The following GAB1 variants were observed in gnomAD, a reference collection of about 807,000 sequenced individuals.
The protein encoded by GAB1 is GRB2 associated binding protein 1.
GAB1 carries 19 observed loss-of-function variants against 66.5 expected under a neutral mutation model. The ratio of observed to expected loss-of-function variants is 0.29; its 90% CI spans 0.20 to 0.42. The LOEUF is 0.42. Among genes scored for constraint, GAB1 ranks in the 10% least tolerant of loss-of-function variants. The pLI, the probability that GAB1 is intolerant of heterozygous loss-of-function variation, is 1.00. For missense variants in GAB1, 732 were observed against 858.5 expected, an observed-to-expected ratio of 0.85 and a Z score of 1.84; for synonymous variants, 294 against 301.4, an observed-to-expected ratio of 0.98 and a Z score of 0.25.
chr4:143,403,117 A>G (rs1731859199), intron 1 of GAB1, among the ~76,000 whole-genome samples: 2 of 152,150 alleles, frequency 1.3e-5, no homozygotes, highest in South Asian at 4.1e-4. Flanking sequence ...GTATTACTAT[A>G]CATAGTGTAC....
At chr4:143,466,943 A>G (rs961463703) in intron 9 of GAB1, among the ~76,000 whole-genome samples, 4 of 152,300 alleles carry the variant, frequency 2.6e-5, no homozygotes, top group African/African-American at 4.8e-5. Flanking sequence ...TTATATAACA[A>G]TGTTTATTTA....
chr4:143,414,757 A>G (rs578095766), intron 1 of GAB1, among the ~76,000 whole-genome samples: 1 of 152,230 alleles, frequency 6.6e-6, no homozygotes, highest in Non-Finnish European at 1.5e-5. Context: ...TTATGGCATA[A>G]TATTAATGCA....
intron 2 of GAB1, chr4:143,425,411 G>C: frequency 1.3e-6 from 1 of 759,252 alleles, no homozygotes; most frequent in Non-Finnish European, 2.4e-6. Flanking sequence ...GCTTCTTGTG[G>C]TTACTGACCC....
At chr4:143,348,348 T>C (rs1729054444) in intron 1 of GAB1, among the ~76,000 whole-genome samples, 2 of 152,124 alleles carry the variant, frequency 1.3e-5, no homozygotes, top group Admixed American at 1.3e-4. Flanking sequence ...CAACTCAGAG[T>C]CAGAATGCCC....
intron 1 of GAB1, among the ~76,000 whole-genome samples, chr4:143,340,574 T>A (rs1168076474): frequency 1.3e-5 from 2 of 152,156 alleles, no homozygotes; most frequent in Non-Finnish European, 2.9e-5. Context: ...GCAGTGGCAC[T>A]ATCTCGGCTC....
chr4:143,442,267 C>A (rs1183336331), intron 6 of GAB1, among the ~76,000 whole-genome samples: 1 of 152,052 alleles, frequency 6.6e-6, no homozygotes, highest in East Asian at 1.9e-4. Flanking sequence ...ATGTTAGTGG[C>A]AGATCTCTAC....
intron 1 of GAB1, among the ~76,000 whole-genome samples, chr4:143,344,260 C>T (rs10012162): frequency 0.013 from 1,982 of 152,246 alleles, 42 homozygotes; most frequent in African/African-American, 0.045. Context: ...TGAGTGCCAG[C>T]TCGTGTTGGG....
chr4:143,415,885 A>G, intron 2 of GAB1, 114 bp downstream of exon 2: 1 of 843,292 alleles, frequency 1.2e-6, no homozygotes, highest in South Asian at 2.1e-5. Context: ...TATTTTTATA[A>G]TAGGAACTTG....
chr4:143,378,179 G>T (rs28410377), intron 1 of GAB1, among the ~76,000 whole-genome samples: 2 of 152,168 alleles, frequency 1.3e-5, no homozygotes, highest in African/African-American at 2.4e-5. Flanking sequence ...GATAAATTTT[G>T]TTTCTCTGAA....
chr4:143,414,844 A>G (rs28925890), intron 1 of GAB1, among the ~76,000 whole-genome samples: 3 of 152,174 alleles, frequency 2.0e-5, no homozygotes, highest in African/African-American at 4.8e-5. Context: ...TATTTTTAAT[A>G]TACAATTCAC....
chr4:143,402,133 A>G lies in GAB1; in HGVS notation c.73-13344A>G, dbSNP rs1267951969. On this transcript the variant is annotated intron_variant, in intron 1 of 9. Transcript: ENST00000262994. ...TTAAAGACGAGATAAAATTTAAACC[A>G]ATGCTATCCAAAAATTAATATCTAA... Among the ~76,000 whole-genome samples, 6 of 152,188 alleles carry G rather than the reference A, an allele frequency of 3.9e-5. No individual in the cohort carries two copies. The South Asian group carries it at 1.0e-3, about 26-fold the overall frequency.
At chr4:143,353,017 A>T (rs1247230001) in intron 1 of GAB1, among the ~76,000 whole-genome samples, 2 of 152,330 alleles carry the variant, frequency 1.3e-5, no homozygotes, top group Non-Finnish European at 2.9e-5. Context: ...AACTCAAAAG[A>T]CATGATTAAA....
Position 143,423,792 on chromosome 4 carries a change from GTATATATATATATATA to G in GAB1, c.367+8051_367+8066del, listed in dbSNP as rs35559967. Among the ~76,000 whole-genome samples the G allele has an allele frequency of 6.4e-3, 432 of 67,756 alleles. 12 individuals carry two copies. The East Asian group carries it at 0.11, about 17-fold the overall frequency. The allele number at this position is 67,756 out of a possible 152,430, so 44.5% of individuals were successfully genotyped here. ...CTCCATCTCAAAAAAAAAAAAAAGT[GTATATATATATATATA>G]TATATATATATATATATATATATAT... On this transcript the variant is annotated intron_variant, in intron 2 of 9. Coordinates refer to ENST00000262994, the MANE Select transcript of GAB1 (RefSeq NM_002039.4).
chr4:143,422,348 T>C (rs940619115), intron 2 of GAB1, among the ~76,000 whole-genome samples: 1 of 152,192 alleles, frequency 6.6e-6, no homozygotes, highest in South Asian at 2.1e-4. Flanking sequence ...AAAATTATTC[T>C]ATCAGTAGAT....
intron 6 of GAB1, among the ~76,000 whole-genome samples, chr4:143,440,959 G>A (rs1234838917): frequency 6.6e-6 from 1 of 152,120 alleles, no homozygotes; most frequent in Non-Finnish European, 1.5e-5. Flanking sequence ...TCAGACTTAA[G>A]ATTATTAATG....
intron 1 of GAB1, among the ~76,000 whole-genome samples, chr4:143,375,540 G>A (rs893124980): frequency 1.3e-5 from 2 of 152,324 alleles, no homozygotes; most frequent in South Asian, 2.1e-4. Context: ...TGCAGTAGGT[G>A]TGGATGAGAA....
intron 1 of GAB1, among the ~76,000 whole-genome samples, chr4:143,383,678 G>A (rs1730755400): frequency 6.6e-6 from 1 of 152,080 alleles, no homozygotes; most frequent in Non-Finnish European, 1.5e-5. Context: ...AACAATATAT[G>A]TGAGCACATT....
chr4:143,378,905 A>C (rs1220182170), intron 1 of GAB1, among the ~76,000 whole-genome samples: 1 of 152,178 alleles, frequency 6.6e-6, no homozygotes, highest in African/African-American at 2.4e-5. Flanking sequence ...ACCAGAGACC[A>C]AACAGGGGCA....
In GAB1 at chr4:143,434,924, A is replaced by G. The variant is rs186785470; in HGVS notation, c.593+1208A>G. Among the ~76,000 whole-genome samples the G allele has an allele frequency of 2.2e-4, 34 of 152,284 alleles. No homozygotes were observed. The East Asian group carries it at 5.2e-3, about 23-fold the overall frequency. On this transcript the variant is annotated intron_variant, in intron 3 of 9. Coordinates refer to ENST00000262994, the MANE Select transcript of GAB1 (RefSeq NM_002039.4). ...CAGAAAAATGATGATTGAGAGGCCA[A>G]TCTCTGCCATTAGTAGCTATGTGAC...
Sources: allele counts gnomAD v4.1 joint callset (sites outside exome capture counted in the v4.1 genomes callset), GRCh38; gene constraint gnomAD v4.1.1; transcripts MANE v1.5; gene names NCBI Gene and HGNC (gene_info 2026-07-23, HGNC 2026-07-21).